Variants in PAX7 observed in about 807,000 individuals in gnomAD.
PAX7 encodes paired box 7.
A neutral mutation model predicts 50.7 loss-of-function variants in PAX7; 18 were observed. The observed-to-expected ratio is 0.36, with a 90% CI of 0.25 to 0.53. The LOEUF (loss-of-function observed/expected upper bound fraction) is 0.53, where lower values mean the gene tolerates loss of function less well. PAX7 is among the 20% of genes least tolerant of loss of function. The pLI is 0.93. For synonymous variants in PAX7, 310 were observed against 290.4 expected (o/e 1.07, Z -0.69); for missense variants, 644 against 702.9 (o/e 0.92, Z 0.95).
chr1:18,694,150 A>C (rs58694837), intron 5 of PAX7, among the ~76,000 whole-genome samples: 9,322 of 152,246 alleles, frequency 0.061, 441 homozygotes, highest in East Asian at 0.25. Flanking sequence ...AAGAGGGAAC[A>C]AAAAACGTTT....
chr1:18,682,970 G>C (rs1349630324), intron 4 of PAX7, among the ~76,000 whole-genome samples: 1 of 152,190 alleles, frequency 6.6e-6, no homozygotes, highest in Non-Finnish European at 1.5e-5. Flanking sequence ...GTGGGGCAGG[G>C]CACCTGGCTG....
intron 7 of PAX7, among the ~76,000 whole-genome samples, chr1:18,717,397 C>T (rs1026081946): frequency 6.6e-6 from 1 of 152,228 alleles, no homozygotes; most frequent in African/African-American, 2.4e-5. Context: ...CCGTTCCCCA[C>T]CCGTTCATTA....
chr1:18,661,830 C>T (rs559293239), intron 4 of PAX7, among the ~76,000 whole-genome samples: 76 of 152,286 alleles, frequency 5.0e-4, no homozygotes, highest in Non-Finnish European at 6.8e-4. Context: ...GCCCTCTGCC[C>T]GCGCCTTCCA....
At chr1:18,690,976 C>T (rs2089060102) in intron 4 of PAX7, among the ~76,000 whole-genome samples, 1 of 152,174 alleles carries the variant, frequency 6.6e-6, no homozygotes, top group Admixed American at 6.5e-5. Context: ...CAGCTCTGGA[C>T]ACGTGCACTT....
chr1:18,636,522 C>A lies in PAX7; in HGVS notation c.586+151C>A. The A allele has an allele frequency of 9.6e-7, 1 of 1,043,770 alleles. No individual in the cohort carries two copies. Among genetic ancestry groups the A allele is most frequent in the Non-Finnish European group, 1.4e-6 (1 of 725,082 alleles). The allele number at this position is 1,043,770 out of a possible 1,614,324, so 64.7% of individuals were successfully genotyped here. A position where few individuals can be genotyped will look rare whatever the true frequency, so the allele number is the denominator to read the frequency against. On this transcript the variant is annotated intron_variant, in intron 4 of 8. Transcript: ENST00000420770. This position sits in a 1 kb window ranked among gnomAD's most constrained non-coding sequence, Gnocchi z 5.1. ...GCGGGGCAGCTGGGAGCCGCTCAGG[C>A]TTTGCCGACAGCGCCCCCTCGGTGC... is the stretch of plus-strand genomic sequence containing the variant.
intron 7 of PAX7, among the ~76,000 whole-genome samples, chr1:18,721,850 T>G (rs967545108): frequency 6.6e-6 from 1 of 152,082 alleles, no homozygotes; most frequent in South Asian, 2.1e-4. Flanking sequence ...TCAAAGAGAG[T>G]CATAACTAGG....
intron 4 of PAX7, among the ~76,000 whole-genome samples, chr1:18,686,665 G>A (rs1291585435): frequency 6.6e-6 from 1 of 152,062 alleles, no homozygotes; most frequent in Non-Finnish European, 1.5e-5. Context: ...GGTGGGGAGA[G>A]AGAAGGGCAC....
chr1:18,671,061 C>CG (rs1322684123), intron 4 of PAX7, among the ~76,000 whole-genome samples: 1 of 152,164 alleles, frequency 6.6e-6, no homozygotes, highest in Non-Finnish European at 1.5e-5. Context: ...CCTCCCTCCT[C>CG]GCTAAACTTT....
intron 4 of PAX7, among the ~76,000 whole-genome samples, chr1:18,680,049 G>A (rs746881515): frequency 3.9e-5 from 6 of 152,156 alleles, no homozygotes; most frequent in Admixed American, 2.0e-4. Flanking sequence ...TGACAACTCT[G>A]TGGGGTTGGT....
chr1:18,682,597 A>G (rs2088915406), intron 4 of PAX7, among the ~76,000 whole-genome samples: 1 of 151,970 alleles, frequency 6.6e-6, no homozygotes. Context: ...CCACATTAGA[A>G]TCCCACCCTG....
chr1:18,672,597 T>G (rs972309122), intron 4 of PAX7, among the ~76,000 whole-genome samples: 29 of 108,196 alleles, frequency 2.7e-4, no homozygotes, highest in African/African-American at 6.6e-4. Context: ...GAGCACTGTG[T>G]TTTTTTTTTT....
rs540203609 is a variant in PAX7 at position 18,685,151 on chromosome 1, T to C, written c.587-6603T>C. ...GGCTGGGAGTCCTGAGTCCTGGGTT[T>C]ACTTTGCAGCCCCACTGCCCTGAGA... On this transcript the variant is annotated intron_variant, in intron 4 of 8. Coordinates refer to ENST00000420770, the MANE Select transcript of PAX7 (RefSeq NM_001135254.2). Among the ~76,000 whole-genome samples the C allele has an allele frequency of 4.6e-5, 7 of 152,298 alleles. No homozygotes were observed. The South Asian group carries it at 1.2e-3, about 27-fold the overall frequency.
chr1:18,631,230 C>A lies in PAX7; in HGVS notation c.-374C>A, dbSNP rs964834177. The A allele has an allele frequency of 1.2e-4, 29 of 248,226 alleles. No homozygotes were observed. Among genetic ancestry groups the A allele is most frequent in the Non-Finnish European group, 2.1e-4 (27 of 128,510 alleles). The allele number at this position is 248,226 out of a possible 1,614,324, so 15.4% of individuals were successfully genotyped here. On this transcript the variant is annotated 5_prime_UTR_variant, in exon 1 of 9. Transcript: ENST00000420770. ...GGCGGCCTCGATTCCGGCCGCGTTC[C>A]CCCGGCCCCCCTCCGCCGCGGGGCC... is the stretch of plus-strand genomic sequence containing the variant.
intron 4 of PAX7, among the ~76,000 whole-genome samples, chr1:18,648,893 G>A (rs373387244): frequency 6.6e-6 from 1 of 152,158 alleles, no homozygotes; most frequent in Non-Finnish European, 1.5e-5. Flanking sequence ...CAGAGGGGCT[G>A]GAGAGCAGAG....
At chr1:18,663,106 C>T (rs2088623326) in intron 4 of PAX7, among the ~76,000 whole-genome samples, 1 of 152,218 alleles carries the variant, frequency 6.6e-6, no homozygotes, top group Non-Finnish European at 1.5e-5. Flanking sequence ...ACAGACACTG[C>T]TCTGGACTTA....
Position 18,631,608 on chromosome 1 carries a change from C to T in PAX7, c.5C>T (p.Ala2Val), listed in dbSNP as rs1010934600. 9.9e-6 allele frequency: 16 copies of T among 1,611,580 alleles called. No homozygotes were observed. Among genetic ancestry groups the T allele is most frequent in the Non-Finnish European group, 1.3e-5 (15 of 1,179,406 alleles). The change falls in exon 1 of 9, where the codon GCG (alanine) becomes GTG (valine). Residue 2 changes from alanine (A) to valine (V), a missense_variant. Transcript: ENST00000420770. ...TCGTCCCCGGCGTGCGCAAGAATGG[C>T]GGCCCTTCCCGGCACGGTACCGAGA... M[A>V]ALPGTVPRMM...
At position 18,735,965 on chromosome 1, in the gene PAX7, G is replaced by A. The variant is rs1367243095; in HGVS notation, c.1402+87G>A. The A allele has an allele frequency of 1.9e-6, 3 of 1,613,726 alleles. No individual in the cohort carries two copies. In the African/African-American group the frequency reaches 4.0e-5, roughly 22 times the overall value. ...CTGCTTGTTTATGGAGAGCTACAAG[G>A]TGGTGTCAGGGTGGGGAATGTCCAT... On this transcript the variant is annotated intron_variant, in intron 8 of 8. Transcript: ENST00000420770. The surrounding 1 kb of genome is among the most constrained non-coding windows in gnomAD (Gnocchi z 4.0).
At chr1:18,680,780 G>A (rs140003363) in intron 4 of PAX7, among the ~76,000 whole-genome samples, 128 of 152,278 alleles carry the variant, frequency 8.4e-4, no homozygotes, top group Middle Eastern at 3.4e-3. Flanking sequence ...ACTTGGATGA[G>A]TAAATGATTG....
At chr1:18,728,259 G>A (rs936066541) in intron 7 of PAX7, among the ~76,000 whole-genome samples, 12 of 152,068 alleles carry the variant, frequency 7.9e-5, no homozygotes, top group African/African-American at 1.2e-4. Context: ...CGGGGAGGCC[G>A]GTGGATCTGT....
Sources: allele counts gnomAD v4.1 joint callset (sites outside exome capture counted in the v4.1 genomes callset), GRCh38; gene constraint gnomAD v4.1.1; non-coding constraint Gnocchi (gnomAD v3.1); transcripts MANE v1.5; gene names NCBI Gene and HGNC (gene_info 2026-07-23, HGNC 2026-07-21).